PGAP1: variants seen among roughly 807,000 people sequenced by gnomAD.
PGAP1 encodes post-GPI attachment to proteins inositol deacylase 1, also known as GPI inositol-deacylase.
Under a neutral mutation model 127.0 loss-of-function variants are expected in PGAP1, and 76 were observed. The observed-to-expected ratio is 0.60, with a 90% CI of 0.50 to 0.72. PGAP1 has a LOEUF of 0.72. Ranked by LOEUF, PGAP1 falls within the 30% of genes least tolerant of loss-of-function variation. PGAP1 has a pLI of 0.00. For missense variants in PGAP1, 982 were observed against 1,071.3 expected, an observed-to-expected ratio of 0.92 and a Z score of 1.16; for synonymous variants, 362 against 366.5, an observed-to-expected ratio of 0.99 and a Z score of 0.14.
intron 20 of PGAP1, among the ~76,000 whole-genome samples, chr2:196,861,156 T>G (rs1444061358): frequency 6.6e-6 from 1 of 152,204 alleles, no homozygotes; most frequent in Non-Finnish European, 1.5e-5. Flanking sequence ...ACTAGATCCC[T>G]ATCTTTCATC....
chr2:196,869,138 C>G (rs1701333255), intron 19 of PGAP1, among the ~76,000 whole-genome samples: 1 of 152,164 alleles, frequency 6.6e-6, no homozygotes. Context: ...GGTCTGTCCT[C>G]TTTTGGTTTA....
Position 196,834,221 on chromosome 2 carries a change from T to A in PGAP1, c.*7013A>T, listed in dbSNP as rs1389150486. ...TTTTTTCAGAAACCTAAGCCAAACC[T>A]AATTTTCTACATCTATGTAGCGTAA... On this transcript the variant is annotated 3_prime_UTR_variant, in exon 27 of 27. Transcript: ENST00000354764. 1 of 152,092 alleles carries A rather than the reference T, an allele frequency of 6.6e-6. No individual in the cohort carries two copies. The highest frequency in any genetic ancestry group is 1.5e-5 in the Non-Finnish European group (1 of 67,940). The allele number at this position is 152,092 out of a possible 1,614,324, so 9.4% of individuals were successfully genotyped here. A position where few individuals can be genotyped will look rare whatever the true frequency, so the allele number is the denominator to read the frequency against.
At chr2:196,899,408 T>A (rs1203722087) in intron 5 of PGAP1, among the ~76,000 whole-genome samples, 2 of 152,224 alleles carry the variant, frequency 1.3e-5, no homozygotes, top group South Asian at 2.1e-4. Context: ...TTGATGAACT[T>A]GTAAGTACTT....
intron 20 of PGAP1, among the ~76,000 whole-genome samples, chr2:196,860,861 A>G (rs963554348): frequency 1.3e-5 from 2 of 152,206 alleles, no homozygotes; most frequent in Admixed American, 6.5e-5. Flanking sequence ...TGGTACCACA[A>G]ATGACTGCAA....
In PGAP1 at chr2:196,839,134, CAA is replaced by C. The variant is rs1465405669; in HGVS notation, c.*2098_*2099del. 4 of 152,652 alleles carry C rather than the reference CAA, an allele frequency of 2.6e-5. No homozygotes were observed. In the East Asian group the frequency reaches 7.7e-4, roughly 29 times the overall value. 9.5% of individuals were successfully genotyped at this position (152,652 alleles called of 1,614,324 possible). A position where few individuals can be genotyped will look rare whatever the true frequency, so the allele number is the denominator to read the frequency against. ...ACATTCATGAACAGTACTAACTAAA[CAA>C]AGAGGTTTTAGAATACATAAACATA... On this transcript the variant is annotated 3_prime_UTR_variant, in exon 27 of 27. Coordinates refer to ENST00000354764, the MANE Select transcript of PGAP1 (RefSeq NM_024989.4).
rs1187128789 is a variant in PGAP1, at chr2:196,843,977, G to A, written c.2436C>T (p.Ser812=). 1 of 1,608,134 alleles carries A rather than the reference G, an allele frequency of 6.2e-7. No homozygotes were observed. Among genetic ancestry groups the A allele is most frequent in the Admixed American group, 1.7e-5 (1 of 59,770 alleles). ...TAATCACAGTACTGTGCATGCGAAGGCTATCTTCAGCATCGTTGGCAGATA... is the reference window on the plus strand; with the variant it reads ...TAATCACAGTACTGTGCATGCGAAGACTATCTTCAGCATCGTTGGCAGATA... ...LRLSANDAED[S]LRMHSTVINL... is the part of the protein sequence containing the mutation. The change falls in exon 25 of 27, where the codon AGC becomes AGT. Residue 812 remains serine (S), a synonymous_variant. Transcript: ENST00000354764.
rs747994911 is a variant in PGAP1 at position 196,913,046 on chromosome 2, T to G, written c.485A>C (p.Glu162Ala). Residue 162 changes from glutamate to alanine, a missense_variant, in exon 4 of 27, where the codon GAA (glutamate) becomes GCA (alanine). Coordinates refer to ENST00000354764, the MANE Select transcript of PGAP1 (RefSeq NM_024989.4). ...KTILKLYKGQ[E>A]FAPKSVAIIG... ...TATTGCCACACTTTTTGGAGCAAAT[T>G]CTTGACCCTATTAAAATAAATCACC... The G allele has an allele frequency of 6.2e-7, 1 of 1,604,608 alleles. No individual in the cohort carries two copies. Among genetic ancestry groups the G allele is most frequent in the African/African-American group, 1.3e-5 (1 of 74,670 alleles).
chr2:196,883,951 A>G (rs1412680496), intron 12 of PGAP1, among the ~76,000 whole-genome samples: 1 of 152,196 alleles, frequency 6.6e-6, no homozygotes, highest in African/African-American at 2.4e-5. Flanking sequence ...CATGAAAAGT[A>G]GGCAGCTGAA....
At chr2:196,925,304 G>C (rs775784662) in intron 1 of PGAP1, among the ~76,000 whole-genome samples, 3 of 152,046 alleles carry the variant, frequency 2.0e-5, no homozygotes, top group Non-Finnish European at 2.9e-5. Flanking sequence ...CAAGTAACAG[G>C]CTTCCTCCAT....
intron 14 of PGAP1, among the ~76,000 whole-genome samples, chr2:196,874,557 T>C (rs537747441): frequency 1.3e-5 from 2 of 152,236 alleles, no homozygotes; most frequent in East Asian, 3.9e-4. Context: ...GCAATAACAT[T>C]ATAGCAGAGA....
intron 20 of PGAP1, among the ~76,000 whole-genome samples, chr2:196,864,129 C>G (rs936322440): frequency 1.3e-5 from 2 of 151,892 alleles, no homozygotes; most frequent in African/African-American, 4.8e-5. Context: ...CGGTGGCTCA[C>G]GCCTGTAGTC....
At chr2:196,861,067 A>G (rs1701048217) in intron 20 of PGAP1, among the ~76,000 whole-genome samples, 1 of 152,234 alleles carries the variant, frequency 6.6e-6, no homozygotes, top group Non-Finnish European at 1.5e-5. Context: ...AAAGGCAACC[A>G]AAACATACAT....
At position 196,836,206 on chromosome 2, in the gene PGAP1, GATTA is replaced by G. The variant is rs1184897529; in HGVS notation, c.*5024_*5027del. 6.6e-6 allele frequency: 1 copy of G among 152,584 alleles called. No individual in the cohort carries two copies. The highest frequency in any genetic ancestry group is 1.9e-4 in the East Asian group (1 of 5,182). The allele number at this position is 152,584 out of a possible 1,614,324, so 9.5% of individuals were successfully genotyped here. On this transcript the variant is annotated 3_prime_UTR_variant, in exon 27 of 27. Coordinates refer to ENST00000354764, the MANE Select transcript of PGAP1 (RefSeq NM_024989.4). The stretch of plus-strand genomic sequence containing the variant: ...TATACAAAGTCTTCAGAAATTAACT[GATTA>G]ATTGGTATTTCAAAACACAGATTGT...
At position 196,837,793 on chromosome 2, in the gene PGAP1, A is replaced by T. The variant is rs1268050469; in HGVS notation, c.*3441T>A. The T allele has an allele frequency of 6.6e-6, 1 of 152,174 alleles. No homozygotes were observed. Among genetic ancestry groups the T allele is most frequent in the Non-Finnish European group, 1.5e-5 (1 of 68,034 alleles). The allele number at this position is 152,174 out of a possible 1,614,324, so 9.4% of individuals were successfully genotyped here. On this transcript the variant is annotated 3_prime_UTR_variant, in exon 27 of 27. Coordinates refer to ENST00000354764, the MANE Select transcript of PGAP1 (RefSeq NM_024989.4). ...CTTCTTTTTTCCTTACTATATAATC[A>T]TGTAGATTAGTAGTATAGTTCACTC...
intron 22 of PGAP1, among the ~76,000 whole-genome samples, chr2:196,846,784 T>C (rs1029179205): frequency 6.6e-6 from 1 of 152,188 alleles, no homozygotes; most frequent in African/African-American, 2.4e-5. Flanking sequence ...CTTTTCTTAT[T>C]AACTCTTGAG....
chr2:196,861,341 GCTA>G (rs1380641675), intron 20 of PGAP1, among the ~76,000 whole-genome samples: 2 of 152,058 alleles, frequency 1.3e-5, no homozygotes, highest in Admixed American at 6.6e-5. Context: ...AGGCTAAAAG[GCTA>G]CTGCACAGCA....
At chr2:196,843,611 A>G (rs1414208541) in intron 25 of PGAP1, among the ~76,000 whole-genome samples, 1 of 152,158 alleles carries the variant, frequency 6.6e-6, no homozygotes, top group Non-Finnish European at 1.5e-5. Context: ...ACACATAGTA[A>G]GGGAGAAAAT....
At chr2:196,863,467 C>A (rs982821141) in intron 20 of PGAP1, among the ~76,000 whole-genome samples, 2 of 152,016 alleles carry the variant, frequency 1.3e-5, no homozygotes, top group African/African-American at 4.8e-5. Context: ...ATAAGTCAGG[C>A]ATAGAAAGAC....
At chr2:196,883,537 T>A (rs1701798828) in intron 12 of PGAP1, among the ~76,000 whole-genome samples, 2 of 152,182 alleles carry the variant, frequency 1.3e-5, no homozygotes. Flanking sequence ...GAAACATTAA[T>A]TAGGAAGAAC....
Sources: allele counts gnomAD v4.1 joint callset (sites outside exome capture counted in the v4.1 genomes callset), GRCh38; gene constraint gnomAD v4.1.1; transcripts MANE v1.5; gene names NCBI Gene and HGNC (gene_info 2026-07-23, HGNC 2026-07-21).